The following GALK2 variants were observed in gnomAD, a reference collection of about 807,000 sequenced individuals.
GALK2 encodes the protein N-acetylgalactosamine kinase.
Under a neutral mutation model 52.4 loss-of-function variants are expected in GALK2, and 36 were observed. The observed-to-expected ratio is 0.69, with a 90% confidence interval of 0.53 to 0.91. GALK2 has a LOEUF of 0.91. Ranked by LOEUF, GALK2 falls within the 40% of genes least tolerant of loss-of-function variation. The pLI is 0.00. For synonymous variants in GALK2, 176 were observed against 199.1 expected (o/e 0.88, Z 0.98); for missense variants, 579 against 559.1 (o/e 1.04, Z -0.36).
intron 5 of GALK2, among the ~76,000 whole-genome samples, chr15:49,259,022 T>C (rs2091959289): frequency 6.6e-6 from 1 of 151,564 alleles, no homozygotes; most frequent in Non-Finnish European, 1.5e-5. Context: ...TTTGTTTGAG[T>C]TCACTGTAGA....
rs112396460 is a variant in GALK2 at position 49,266,452 on chromosome 15, A to G, written c.505-15535A>G. Among the ~76,000 whole-genome samples, 1,491 of 152,188 alleles carry G rather than the reference A, an allele frequency of 9.8e-3. 12 individuals carry two copies. The highest frequency in any genetic ancestry group is 0.015 in the Non-Finnish European group (1,025 of 67,998). On this transcript the variant is annotated intron_variant, in intron 5 of 9. Coordinates refer to ENST00000560031, the MANE Select transcript of GALK2 (RefSeq NM_002044.4). ...AGCTGGGTTTCAGGAATGCACAGAA[A>G]CCTAAGTGTCGTTAAGACTGCCTCT... is the stretch of plus-strand genomic sequence containing the variant.
chr15:49,210,351 T>C (rs1174396896), intron 2 of GALK2, among the ~76,000 whole-genome samples: 4 of 152,006 alleles, frequency 2.6e-5, no homozygotes, highest in Non-Finnish European at 5.9e-5. Context: ...TTTGGATTGT[T>C]TTTGCTAGAG....
At chr15:49,206,506 A>G (rs911648901) in intron 2 of GALK2, among the ~76,000 whole-genome samples, 1 of 151,966 alleles carries the variant, frequency 6.6e-6, no homozygotes, top group Non-Finnish European at 1.5e-5. Flanking sequence ...TTCTTTCAGC[A>G]GTGTTTCGTA....
chr15:49,201,191 C>T lies in GALK2; in HGVS notation c.83C>T (p.Ser28Phe). Residue 28 changes from serine (S) to phenylalanine (F), a missense_variant, in exon 2 of 10, where the codon TCC (serine) becomes TTC (phenylalanine). By Grantham distance (155) the Ser-to-Phe change is radical. Transcript: ENST00000560031. ...RLLKLKEMFNSKFGSIPKFYV... is the reference protein window; with the variant it reads ...RLLKLKEMFNFKFGSIPKFYV... Reference sequence around the variant, plus strand: ...CTGAAGCTAAAGGAGATGTTTAACTCCAAGTTTGGATCTATTCCCAAGTTT... The same window carrying T: ...CTGAAGCTAAAGGAGATGTTTAACTTCAAGTTTGGATCTATTCCCAAGTTT... The T allele has an allele frequency of 6.2e-7, 1 of 1,608,234 alleles. No individual in the cohort carries two copies. The highest frequency in any genetic ancestry group is 8.5e-7 in the Non-Finnish European group (1 of 1,175,422).
intron 4 of GALK2, among the ~76,000 whole-genome samples, chr15:49,237,283 T>C (rs2090860589): frequency 6.6e-6 from 1 of 152,188 alleles, no homozygotes; most frequent in Non-Finnish European, 1.5e-5. Flanking sequence ...TGCTAGCCTG[T>C]TCAGAAACTT....
At chr15:49,280,136 A>T (rs753269309) in intron 5 of GALK2, among the ~76,000 whole-genome samples, 14 of 152,262 alleles carry the variant, frequency 9.2e-5, no homozygotes, top group Non-Finnish European at 1.3e-4. Context: ...CAAGAAACAG[A>T]TGTGATAGAA....
Position 49,282,352 on chromosome 15 carries a change from A to G in GALK2, c.603+267A>G, listed in dbSNP as rs112646538. Reference sequence around the variant, plus strand: ...TGTGTCTAGCTTTTTCCCCTCTTCTATTTTTCTTCATTGTTAAGATGAGCT... The same window carrying G: ...TGTGTCTAGCTTTTTCCCCTCTTCTGTTTTTCTTCATTGTTAAGATGAGCT... On this transcript the variant is annotated intron_variant, in intron 6 of 9. Transcript: ENST00000560031. 8.3e-4 allele frequency among the ~76,000 whole-genome samples: 126 copies of G among 151,864 alleles called. 1 individual carries two copies. Among genetic ancestry groups the G allele is most frequent in the African/African-American group, 2.9e-3 (120 of 41,406 alleles).
intron 3 of GALK2, among the ~76,000 whole-genome samples, chr15:49,234,760 A>G (rs1056165348): frequency 6.6e-6 from 1 of 151,640 alleles, no homozygotes; most frequent in African/African-American, 2.4e-5. Context: ...CAGCCAAACC[A>G]TATCAGATAC....
At chr15:49,276,970 C>CTTTTTTTTTTTTTTTTTTTTTT (rs1233754984) in intron 5 of GALK2, among the ~76,000 whole-genome samples, 1 of 28,328 alleles carries the variant, frequency 3.5e-5, no homozygotes, top group African/African-American at 1.2e-4. Context: ...TTTTTCTTTT[C>CTTTTTTTTTTTTTTTTTTTTTT]TTTTTTTTTT....
intron 1 of GALK2, chr15:49,193,961 C>T (rs66499252): frequency 0.41 from 62,490 of 151,702 alleles, 13,026 homozygotes; most frequent in African/African-American, 0.43. Flanking sequence ...CTCTTGACCT[C>T]GTGATCCGCC....
intron 2 of GALK2, among the ~76,000 whole-genome samples, chr15:49,209,769 C>A (rs1210962318): frequency 6.6e-6 from 1 of 152,082 alleles, no homozygotes; most frequent in Non-Finnish European, 1.5e-5. Context: ...ATTATATGTT[C>A]AACTGAGATA....
intron 3 of GALK2, chr15:49,365,188 G>A (rs2044919988): frequency 3.8e-6 from 3 of 793,590 alleles, no homozygotes; most frequent in African/African-American, 1.7e-5. Context: ...AATACAGATG[G>A]TCCATCATCT....
At chr15:49,356,111 A>C (rs1403573621) in intron 3 of GALK2, among the ~76,000 whole-genome samples, 2 of 152,220 alleles carry the variant, frequency 1.3e-5, no homozygotes, top group Admixed American at 1.3e-4. Context: ...GGAAAGGAAC[A>C]ACCGGTACCA....
chr15:49,156,264 TA>T, intron 1 of GALK2: 1 of 511,624 alleles, frequency 2.0e-6, no homozygotes, highest in Non-Finnish European at 3.5e-6. Flanking sequence ...CAAATTAAGG[TA>T]ACAACGACTG....
chr15:49,232,850 C>CA (rs1385401911), intron 3 of GALK2, among the ~76,000 whole-genome samples: 1 of 152,180 alleles, frequency 6.6e-6, no homozygotes. Flanking sequence ...CTGAGACCTT[C>CA]TTAGCTGGGA....
At chr15:49,216,117 A>G (rs904997669) in intron 2 of GALK2, among the ~76,000 whole-genome samples, 7 of 152,102 alleles carry the variant, frequency 4.6e-5, no homozygotes, top group Non-Finnish European at 1.0e-4. Context: ...CTGTCTCCAT[A>G]CTGGGCTGCC....
At chr15:49,216,552 C>G (rs1361659869) in intron 2 of GALK2, among the ~76,000 whole-genome samples, 1 of 152,230 alleles carries the variant, frequency 6.6e-6, no homozygotes, top group East Asian at 1.9e-4. Flanking sequence ...TCTACTGCCT[C>G]CAAGGCCGGT....
At chr15:49,233,040 CT>C (rs1217334987) in intron 3 of GALK2, among the ~76,000 whole-genome samples, 1 of 152,148 alleles carries the variant, frequency 6.6e-6, no homozygotes, top group African/African-American at 2.4e-5. Context: ...ACCAATGCCC[CT>C]GTCCTTGTTA....
At chr15:49,236,616 G>A (rs1209112282) in intron 4 of GALK2, among the ~76,000 whole-genome samples, 1 of 152,064 alleles carries the variant, frequency 6.6e-6, no homozygotes. Context: ...AAGTATCAAG[G>A]ACCAAAAGAA....
Sources: allele counts gnomAD v4.1 joint callset (sites outside exome capture counted in the v4.1 genomes callset), GRCh38; gene constraint gnomAD v4.1.1; transcripts MANE v1.5; gene names NCBI Gene and HGNC (gene_info 2026-07-23, HGNC 2026-07-21).